Variants in KCNIP4 observed in about 807,000 individuals in gnomAD.
KCNIP4 encodes potassium voltage-gated channel interacting protein 4, also known as Kv channel-interacting protein 4.
A neutral mutation model predicts 34.0 loss-of-function variants in KCNIP4; 12 were observed. That is an observed-to-expected ratio of 0.35 (90% CI 0.23 to 0.57). The LOEUF is 0.57. Ranked by LOEUF, KCNIP4 falls within the 20% of genes least tolerant of loss-of-function variation. The pLI is 0.83. For synonymous variants in KCNIP4, 124 were observed against 102.2 expected (o/e 1.21, Z -1.29); for missense variants, 238 against 311.7 (o/e 0.76, Z 1.78).
chr4:21,124,043 C>CA (rs35229012), intron 1 of KCNIP4, among the ~76,000 whole-genome samples: 53,161 of 145,768 alleles, frequency 0.36, 9,657 homozygotes, highest in African/African-American at 0.46. Context: ...AAAAAAACAA[C>CA]AAAAAAAAAA....
rs536255022 is a variant in KCNIP4, at chr4:21,091,473, T to TTCTGGTTTC, written c.62-208773_62-208765dup. On this transcript the variant is annotated intron_variant, in intron 1 of 8. Transcript: ENST00000382152. ...ACGAATGAAAAGACTAGGGCTTGAA[T>TTCTGGTTTC]TCTGGTTTCTCATTTCATAACTAGT... 2.5e-3 allele frequency among the ~76,000 whole-genome samples: 378 copies of TTCTGGTTTC among 152,340 alleles called. 1 individual carries two copies. Among genetic ancestry groups the TTCTGGTTTC allele is most frequent in the Middle Eastern group, 6.8e-3 (2 of 294 alleles).
chr4:20,729,884 G>GTGGCATTATGAAAA lies in KCNIP4; in HGVS notation c.*184_*197dup, dbSNP rs1468887571. The GTGGCATTATGAAAA allele has an allele frequency of 6.0e-6, 3 of 500,400 alleles. No individual in the cohort carries two copies. The highest frequency in any genetic ancestry group is 2.0e-5 in the African/African-American group (1 of 50,346). 31.0% of individuals were successfully genotyped at this position (500,400 alleles called of 1,614,324 possible). A position where few individuals can be genotyped will look rare whatever the true frequency, so the allele number is the denominator to read the frequency against. On this transcript the variant is annotated 3_prime_UTR_variant, in exon 9 of 9. Coordinates refer to ENST00000382152, the MANE Select transcript of KCNIP4 (RefSeq NM_025221.6). ...TGAGTTAGACCATCCCCTGAACTCA[G>GTGGCATTATGAAAA]TGGCATTATGAAAAGGATGCAAATT...
At chr4:21,017,554 G>A (rs1419155795) in intron 1 of KCNIP4, among the ~76,000 whole-genome samples, 1 of 152,128 alleles carries the variant, frequency 6.6e-6, no homozygotes, top group Non-Finnish European at 1.5e-5. Context: ...GTATTCCATG[G>A]TGTGTCTGTA....
chr4:21,580,423 C>T (rs1442495916), intron 1 of KCNIP4, among the ~76,000 whole-genome samples: 3 of 151,980 alleles, frequency 2.0e-5, no homozygotes, highest in Non-Finnish European at 4.4e-5. Context: ...GAAAGTTTTG[C>T]TCAAGATATT....
chr4:21,080,947 A>C (rs2109020274), intron 1 of KCNIP4, among the ~76,000 whole-genome samples: 1 of 152,034 alleles, frequency 6.6e-6, no homozygotes, highest in South Asian at 2.1e-4. Context: ...TATAGAAAAT[A>C]TCCTCCACAA....
chr4:20,819,326 G>A (rs1716817020), intron 3 of KCNIP4, among the ~76,000 whole-genome samples: 1 of 152,106 alleles, frequency 6.6e-6, no homozygotes, highest in South Asian at 2.1e-4. Context: ...ATTAATTGAG[G>A]ACTGAAGACC....
intron 1 of KCNIP4, among the ~76,000 whole-genome samples, chr4:21,109,363 C>G (rs566523661): frequency 6.6e-5 from 10 of 152,354 alleles, no homozygotes; most frequent in African/African-American, 2.4e-4. Context: ...GACTGCTGTG[C>G]TAGCAATCAG....
intron 3 of KCNIP4, among the ~76,000 whole-genome samples, chr4:20,844,104 T>G (rs1720083989): frequency 6.6e-6 from 1 of 152,198 alleles, no homozygotes; most frequent in African/African-American, 2.4e-5. Context: ...TCCTAAATTT[T>G]TAAAGGATAG....
intron 1 of KCNIP4, among the ~76,000 whole-genome samples, chr4:21,907,747 G>GAAT (rs1281371872): frequency 6.6e-6 from 1 of 152,098 alleles, no homozygotes; most frequent in Non-Finnish European, 1.5e-5. Context: ...CCATGTGTAT[G>GAAT]AAGTAAGCAT....
intron 1 of KCNIP4, among the ~76,000 whole-genome samples, chr4:20,893,878 A>G (rs1726214945): frequency 6.6e-6 from 1 of 152,074 alleles, no homozygotes; most frequent in Admixed American, 6.5e-5. Context: ...ATTTATTTTT[A>G]TATTTTTTAA....
At chr4:21,361,575 T>G (rs922056558) in intron 1 of KCNIP4, among the ~76,000 whole-genome samples, 4 of 152,098 alleles carry the variant, frequency 2.6e-5, no homozygotes, top group Middle Eastern at 3.2e-3. Context: ...TTTAGATAAC[T>G]AGGTACAATT....
chr4:21,398,564 T>A (rs773595701), intron 1 of KCNIP4, among the ~76,000 whole-genome samples: 1 of 152,204 alleles, frequency 6.6e-6, no homozygotes, highest in African/African-American at 2.4e-5. Flanking sequence ...TGCATACACA[T>A]GCACATGTAC....
chr4:21,422,479 C>T lies in KCNIP4; in HGVS notation c.61+526092G>A, dbSNP rs189120101. On this transcript the variant is annotated intron_variant, in intron 1 of 8. Transcript: ENST00000382152. ...CCTCCCAAAGTGCTCAGATTACGGGCGTGAGCCACCGAGCCTGGCCCACTT... is the reference window on the plus strand; with the variant it reads ...CCTCCCAAAGTGCTCAGATTACGGGTGTGAGCCACCGAGCCTGGCCCACTT... Among the ~76,000 whole-genome samples, 77 of 152,110 alleles carry T rather than the reference C, an allele frequency of 5.1e-4. 1 individual carries two copies. In the South Asian group the frequency reaches 0.013, roughly 26 times the overall value.
At chr4:21,365,251 G>A (rs1022331761) in intron 1 of KCNIP4, among the ~76,000 whole-genome samples, 2 of 152,096 alleles carry the variant, frequency 1.3e-5, no homozygotes, top group Non-Finnish European at 1.5e-5. Flanking sequence ...TTGGGAGGCC[G>A]AGGTGGGCGG....
At chr4:20,736,343 CTCA>C (rs1749626522) in intron 5 of KCNIP4, among the ~76,000 whole-genome samples, 1 of 151,840 alleles carries the variant, frequency 6.6e-6, no homozygotes, top group Non-Finnish European at 1.5e-5. Context: ...TACATTTTTT[CTCA>C]TCATTATTTC....
chr4:21,449,241 C>T (rs1728303642), intron 1 of KCNIP4, among the ~76,000 whole-genome samples: 1 of 152,156 alleles, frequency 6.6e-6, no homozygotes, highest in Non-Finnish European at 1.5e-5. Context: ...TTCTTTAACT[C>T]CTATTTTTTC....
rs73798809 is a variant in KCNIP4, at chr4:21,397,229, G to A, written c.62-514520C>T. On this transcript the variant is annotated intron_variant, in intron 1 of 8. Coordinates refer to ENST00000382152, the MANE Select transcript of KCNIP4 (RefSeq NM_025221.6). Reference sequence around the variant, plus strand: ...TATTAATAAAAGTTATATCCAAATAGCAAGGTGACAAATTCTGGAAAACCT... The same window carrying A: ...TATTAATAAAAGTTATATCCAAATAACAAGGTGACAAATTCTGGAAAACCT... Among the ~76,000 whole-genome samples the A allele has an allele frequency of 2.5e-3, 379 of 152,232 alleles. 1 individual carries two copies. Among genetic ancestry groups the A allele is most frequent in the African/African-American group, 8.9e-3 (371 of 41,526 alleles).
intron 2 of KCNIP4, among the ~76,000 whole-genome samples, chr4:20,878,514 C>CT (rs1401373323): frequency 4.6e-5 from 7 of 152,180 alleles, no homozygotes; most frequent in Non-Finnish European, 8.8e-5. Context: ...TGCTATAACA[C>CT]TTATCACTTC....
At chr4:21,414,926 C>T (rs1577325922) in intron 1 of KCNIP4, among the ~76,000 whole-genome samples, 1 of 152,240 alleles carries the variant, frequency 6.6e-6, no homozygotes, top group East Asian at 1.9e-4. Context: ...TTCACCTCCT[C>T]AAGCATTCAT....
Sources: allele counts gnomAD v4.1 joint callset (sites outside exome capture counted in the v4.1 genomes callset), GRCh38; gene constraint gnomAD v4.1.1; transcripts MANE v1.5; gene names NCBI Gene and HGNC (gene_info 2026-07-23, HGNC 2026-07-21).